NELL1: variants seen among roughly 807,000 people sequenced by gnomAD.
The protein encoded by NELL1 is protein kinase C-binding protein NELL1.
NELL1 carries 76 observed loss-of-function variants against 107.4 expected under a neutral mutation model. The observed-to-expected ratio is 0.71, with a 90% confidence interval of 0.59 to 0.86. The LOEUF (loss-of-function observed/expected upper bound fraction) is 0.86, where lower values mean the gene tolerates loss of function less well. Ranked by LOEUF, NELL1 falls within the 40% of genes least tolerant of loss-of-function variation. The probability of loss-of-function intolerance (pLI) is 0.00; values close to 1 mark genes in which losing one functional copy is unlikely to be tolerated. For missense variants in NELL1, 1,024 were observed against 1,005.5 expected (o/e 1.02, Z -0.25); for synonymous variants, 353 against 341.2 (o/e 1.03, Z -0.38).
At chr11:21,163,908 G>T (rs375641909) in intron 13 of NELL1, among the ~76,000 whole-genome samples, 1 of 151,812 alleles carries the variant, frequency 6.6e-6, no homozygotes, top group East Asian at 1.9e-4. Flanking sequence ...TTTGAGGGGG[G>T]TGGGTAAAGA....
chr11:20,753,987 C>T (rs564653569), intron 2 of NELL1, among the ~76,000 whole-genome samples: 2 of 152,274 alleles, frequency 1.3e-5, no homozygotes, highest in African/African-American at 2.4e-5. Context: ...ATATACACAT[C>T]CTTAAGCCAA....
chr11:21,020,400 A>G (rs1033108430), intron 12 of NELL1, among the ~76,000 whole-genome samples: 5 of 152,134 alleles, frequency 3.3e-5, no homozygotes, highest in Non-Finnish European at 7.4e-5. Flanking sequence ...TTGTTACTAT[A>G]TAGTCCAACG....
At chr11:21,117,816 G>A (rs1590653192) in intron 13 of NELL1, among the ~76,000 whole-genome samples, 1 of 152,030 alleles carries the variant, frequency 6.6e-6, no homozygotes, top group East Asian at 1.9e-4. Context: ...CCCTCCATCA[G>A]CCATTAAATG....
At chr11:21,020,291 G>A (rs182375631) in intron 12 of NELL1, among the ~76,000 whole-genome samples, 1 of 152,112 alleles carries the variant, frequency 6.6e-6, no homozygotes, top group East Asian at 1.9e-4. Context: ...TACTTTAATT[G>A]GTCAAAGCTT....
chr11:21,157,149 G>GTGTA (rs1554974456), intron 13 of NELL1, among the ~76,000 whole-genome samples: 29 of 147,440 alleles, frequency 2.0e-4, no homozygotes, highest in Non-Finnish European at 2.8e-4. Flanking sequence ...GAATGTGTAT[G>GTGTA]TATATATATA....
intron 2 of NELL1, among the ~76,000 whole-genome samples, chr11:20,776,189 G>A (rs546434384): frequency 6.6e-6 from 1 of 152,252 alleles, no homozygotes; most frequent in African/African-American, 2.4e-5. Context: ...TGTAATCCCG[G>A]CACTTTGGGA....
At chr11:21,563,738 C>A (rs1164896617) in intron 17 of NELL1, among the ~76,000 whole-genome samples, 2 of 151,824 alleles carry the variant, frequency 1.3e-5, no homozygotes, top group East Asian at 3.9e-4. Flanking sequence ...GTCCTTGAAC[C>A]AATCCCCCAG....
chr11:21,050,860 C>A (rs879692620), intron 12 of NELL1, among the ~76,000 whole-genome samples: 26 of 152,086 alleles, frequency 1.7e-4, no homozygotes, highest in Admixed American at 1.7e-3. Context: ...CTCTATAGAT[C>A]TGGGGTTCAG....
chr11:20,741,501 A>G (rs1242043571), intron 2 of NELL1, among the ~76,000 whole-genome samples: 2 of 152,204 alleles, frequency 1.3e-5, no homozygotes, highest in Non-Finnish European at 2.9e-5. Context: ...GACTTATTTA[A>G]TATTCCTGAT....
At chr11:21,534,727 G>A (rs1230069066) in intron 16 of NELL1, among the ~76,000 whole-genome samples, 1 of 152,082 alleles carries the variant, frequency 6.6e-6, no homozygotes, top group Admixed American at 6.6e-5. Flanking sequence ...CTGTGACAGA[G>A]GAACAAAACC....
At chr11:21,057,906 C>T (rs1853648779) in intron 12 of NELL1, among the ~76,000 whole-genome samples, 1 of 151,910 alleles carries the variant, frequency 6.6e-6, no homozygotes, top group Non-Finnish European at 1.5e-5. Flanking sequence ...TTTAAAGAAA[C>T]TGTTATTATT....
chr11:21,545,635 C>T (rs1361679596), intron 16 of NELL1, among the ~76,000 whole-genome samples: 1 of 150,492 alleles, frequency 6.6e-6, no homozygotes, highest in Non-Finnish European at 1.5e-5. Context: ...AGTTGATAAG[C>T]AAATTGTTCT....
intron 15 of NELL1, among the ~76,000 whole-genome samples, chr11:21,460,653 C>T (rs1467265869): frequency 2.0e-5 from 3 of 152,042 alleles, no homozygotes; most frequent in Non-Finnish European, 4.4e-5. Context: ...TGGCTATTTT[C>T]TCCAATTCTT....
intron 5 of NELL1, among the ~76,000 whole-genome samples, chr11:20,915,904 T>G (rs1850245384): frequency 6.6e-6 from 1 of 151,130 alleles, no homozygotes. Context: ...TGATTCTTAT[T>G]CTGGGGAAGG....
rs140904695 is a variant in NELL1 at position 21,000,246 on chromosome 11, C to T, written c.1300+39686C>T. ...TAACCTACACAATGTGCACATGTAC[C>T]CTAAAACTTAAAGTATAATAAAAAA... On this transcript the variant is annotated intron_variant, in intron 12 of 19. Transcript: ENST00000357134. Among the ~76,000 whole-genome samples, 707 of 148,356 alleles carry T rather than the reference C, an allele frequency of 4.8e-3. 10 individuals carry two copies. Among genetic ancestry groups the T allele is most frequent in the African/African-American group, 0.017 (667 of 38,324 alleles).
chr11:20,922,977 ATGG>A (rs1850413638), intron 7 of NELL1, among the ~76,000 whole-genome samples: 1 of 152,080 alleles, frequency 6.6e-6, no homozygotes, highest in Non-Finnish European at 1.5e-5. Flanking sequence ...ATAGACAACC[ATGG>A]TGGGATGATG....
At chr11:21,364,430 A>AAT (rs1448945088) in intron 14 of NELL1, among the ~76,000 whole-genome samples, 1 of 139,456 alleles carries the variant, frequency 7.2e-6, no homozygotes, top group Admixed American at 7.2e-5. Flanking sequence ...AAAAAAAAAA[A>AAT]AAAAAAAGAC....
chr11:21,279,204 C>A (rs947063971), intron 14 of NELL1, among the ~76,000 whole-genome samples: 7 of 151,908 alleles, frequency 4.6e-5, no homozygotes, highest in Non-Finnish European at 7.4e-5. Flanking sequence ...TTCTAGGTGA[C>A]CTATAGTATG....
chr11:21,003,830 AT>A (rs1357595187), intron 12 of NELL1, among the ~76,000 whole-genome samples: 4 of 152,008 alleles, frequency 2.6e-5, no homozygotes, highest in Non-Finnish European at 5.9e-5. Context: ...TACCTTTTGC[AT>A]TATCCATAAA....
Sources: gnomAD v4.1 joint callset for allele counts (sites outside exome capture counted in the v4.1 genomes callset) on GRCh38, gnomAD v4.1.1 for gene constraint, MANE v1.5 for transcripts, NCBI Gene and HGNC (gene_info 2026-07-23, HGNC 2026-07-21) for gene names.